IL1RAPL2: variants seen among roughly 807,000 people sequenced by gnomAD.
IL1RAPL2 encodes the protein interleukin 1 receptor accessory protein like 2.
In IL1RAPL2, 3 loss-of-function variants were observed where a neutral mutation model predicts 44.1. The ratio of observed to expected loss-of-function variants is 0.07; its 90% CI spans 0.03 to 0.18. IL1RAPL2 has a LOEUF of 0.18. Ranked by LOEUF, IL1RAPL2 falls within the 10% of genes least tolerant of loss-of-function variation. The pLI, the probability that IL1RAPL2 is intolerant of heterozygous loss-of-function variation, is 1.00. For missense variants in IL1RAPL2, 391 were observed against 496.4 expected (o/e 0.79, Z 2.02); for synonymous variants, 181 against 178.8 (o/e 1.01, Z -0.10).
At chrX:105,017,366 A>G (rs1235404206) in intron 2 of IL1RAPL2, among the ~76,000 whole-genome samples, 2 of 111,299 alleles carry the variant, frequency 1.8e-5, no homozygotes, top group Non-Finnish European at 3.8e-5. Flanking sequence ...ACAAGAAAAC[A>G]TTTTTATTAA....
intron 1 of IL1RAPL2, among the ~76,000 whole-genome samples, chrX:104,610,227 C>A (rs1010620017): frequency 6.3e-5 from 7 of 110,871 alleles, no homozygotes; most frequent in South Asian, 3.9e-4. Flanking sequence ...GGCACAAGAC[C>A]GGGATGCCCT....
At chrX:105,073,999 C>A (rs974998774) in intron 2 of IL1RAPL2, among the ~76,000 whole-genome samples, 2 of 111,422 alleles carry the variant, frequency 1.8e-5, no homozygotes, top group Non-Finnish European at 3.8e-5. Flanking sequence ...GTTGCCTGTT[C>A]ACTCTGATGG....
At chrX:105,337,929 G>A (rs956936393) in intron 5 of IL1RAPL2, among the ~76,000 whole-genome samples, 1 of 111,072 alleles carries the variant, frequency 9.0e-6, no homozygotes, top group African/African-American at 3.3e-5. Flanking sequence ...TTGATAAATG[G>A]AGGTGTTACT....
chrX:105,131,947 T>G (rs1189639663), intron 2 of IL1RAPL2, among the ~76,000 whole-genome samples: 3 of 111,322 alleles, frequency 2.7e-5, no homozygotes, highest in Non-Finnish European at 5.7e-5. Context: ...TTTTAAAGAC[T>G]TCTGTGAATT....
intron 2 of IL1RAPL2, among the ~76,000 whole-genome samples, chrX:105,177,291 T>C (rs1397523017): frequency 9.0e-6 from 1 of 110,505 alleles, no homozygotes; most frequent in Non-Finnish European, 1.9e-5. Flanking sequence ...TAGAATTTAA[T>C]GCCTGATGAT....
intron 1 of IL1RAPL2, among the ~76,000 whole-genome samples, chrX:104,627,689 G>A (rs1330493941): frequency 1.8e-5 from 2 of 110,814 alleles, no homozygotes; most frequent in African/African-American, 6.6e-5. Flanking sequence ...GGAACATAAG[G>A]CTGATGTGGT....
intron 5 of IL1RAPL2, among the ~76,000 whole-genome samples, chrX:105,372,963 G>A (rs1026900262): frequency 8.0e-5 from 9 of 112,498 alleles, no homozygotes; most frequent in Non-Finnish European, 1.7e-4. Flanking sequence ...ATTGCAAATA[G>A]TGCTGCAATT....
intron 2 of IL1RAPL2, among the ~76,000 whole-genome samples, chrX:105,039,396 C>G (rs758582824): frequency 3.6e-5 from 4 of 111,752 alleles, no homozygotes; most frequent in Non-Finnish European, 5.7e-5. Context: ...TCCTCAACTC[C>G]AAGTCTGCAC....
intron 6 of IL1RAPL2, among the ~76,000 whole-genome samples, chrX:105,524,940 A>T (rs1187918635): frequency 9.0e-6 from 1 of 111,440 alleles, no homozygotes; most frequent in Admixed American, 9.6e-5. Flanking sequence ...TGCCTGAAAC[A>T]CTTGATAAAT....
intron 2 of IL1RAPL2, among the ~76,000 whole-genome samples, chrX:104,769,905 T>G (rs756116631): frequency 8.9e-6 from 1 of 112,349 alleles, no homozygotes; most frequent in Non-Finnish European, 1.9e-5. Flanking sequence ...GTTAACTTGG[T>G]GAAGCCAATC....
chrX:105,042,323 A>G (rs1258994163), intron 2 of IL1RAPL2, among the ~76,000 whole-genome samples: 1 of 109,710 alleles, frequency 9.1e-6, no homozygotes, highest in Non-Finnish European at 1.9e-5. Flanking sequence ...TTTGCAATCT[A>G]CTCATCTGAC....
chrX:104,613,806 G>GTTTT (rs60588678), intron 1 of IL1RAPL2, among the ~76,000 whole-genome samples: 14 of 61,840 alleles, frequency 2.3e-4, no homozygotes, highest in African/African-American at 3.8e-4. Flanking sequence ...TCCAGGGCAT[G>GTTTT]TTTTTTTTTT....
intron 2 of IL1RAPL2, among the ~76,000 whole-genome samples, chrX:104,710,760 A>G (rs1180938742): frequency 9.0e-6 from 1 of 111,403 alleles, no homozygotes; most frequent in Non-Finnish European, 1.9e-5. Context: ...CATCTAGAAA[A>G]GTCATAGCCA....
rs746167113 is a variant in IL1RAPL2, at chrX:105,326,620, T to C, written c.697+59079T>C. Among the ~76,000 whole-genome samples, 111 of 111,768 alleles carry C rather than the reference T, an allele frequency of 9.9e-4. No individual in the cohort carries two copies. The Middle Eastern group carries it at 0.014, about 14-fold the overall frequency. The stretch of plus-strand genomic sequence containing the variant: ...CAGGTAGAAGTTAGAATTAATCTTT[T>C]TGCATTGTTCTAGCACCATCTAAAA... On this transcript the variant is annotated intron_variant, in intron 5 of 10. Coordinates refer to ENST00000372582, the MANE Select transcript of IL1RAPL2 (RefSeq NM_017416.2).
At chrX:105,112,422 T>C (rs1243908380) in intron 2 of IL1RAPL2, among the ~76,000 whole-genome samples, 4 of 112,453 alleles carry the variant, frequency 3.6e-5, no homozygotes, top group Non-Finnish European at 7.5e-5. Context: ...CAATTTTGAC[T>C]GACCTTTCAA....
intron 6 of IL1RAPL2, among the ~76,000 whole-genome samples, chrX:105,516,048 T>C (rs1203602446): frequency 9.0e-6 from 1 of 111,141 alleles, no homozygotes; most frequent in African/African-American, 3.3e-5. Context: ...AATGGGTTTC[T>C]GAGAGAAGAA....
chrX:105,069,429 A>G (rs2032178799), intron 2 of IL1RAPL2, among the ~76,000 whole-genome samples: 1 of 112,723 alleles, frequency 8.9e-6, no homozygotes, highest in Non-Finnish European at 1.9e-5. Flanking sequence ...AATTCAAATT[A>G]TGTTGTTAAA....
intron 2 of IL1RAPL2, among the ~76,000 whole-genome samples, chrX:105,160,674 G>T (rs892585672): frequency 1.8e-5 from 2 of 111,447 alleles, no homozygotes; most frequent in African/African-American, 6.5e-5. Flanking sequence ...GAATGTAGGG[G>T]AGAGGGAAGG....
At chrX:104,967,533 G>T (rs935598102) in intron 2 of IL1RAPL2, among the ~76,000 whole-genome samples, 3 of 108,409 alleles carry the variant, frequency 2.8e-5, no homozygotes, top group African/African-American at 1.0e-4. Context: ...TAGAAAAAAA[G>T]AAAATAAGAG....
Sources: allele counts gnomAD v4.1 joint callset (sites outside exome capture counted in the v4.1 genomes callset), GRCh38; gene constraint gnomAD v4.1.1; transcripts MANE v1.5; gene names NCBI Gene and HGNC (gene_info 2026-07-23, HGNC 2026-07-21).